The following FAM227B variants were observed in gnomAD, a reference collection of about 807,000 sequenced individuals.
FAM227B encodes the protein family with sequence similarity 227 member B, also known as protein FAM227B.
A neutral mutation model predicts 73.8 loss-of-function variants in FAM227B; 88 were observed. That is an observed-to-expected ratio of 1.19 (90% CI 1.00 to 1.42). The LOEUF (loss-of-function observed/expected upper bound fraction) is 1.42. Among genes scored for constraint, FAM227B ranks in the 40% most tolerant of loss-of-function variants. The pLI is 0.00. For synonymous variants in FAM227B, 210 were observed against 190.5 expected (o/e 1.10, Z -0.84); for missense variants, 632 against 590.9 (o/e 1.07, Z -0.72).
intron 10 of FAM227B, among the ~76,000 whole-genome samples, chr15:49,513,399 T>C (rs1179986847): frequency 6.6e-6 from 1 of 152,242 alleles, no homozygotes; most frequent in African/African-American, 2.4e-5. Context: ...CACATAAATA[T>C]CTTCTTTTGA....
intron 10 of FAM227B, among the ~76,000 whole-genome samples, chr15:49,508,576 T>C (rs1451961408): frequency 6.6e-6 from 1 of 152,028 alleles, no homozygotes; most frequent in African/African-American, 2.4e-5. Context: ...GAAATATATG[T>C]TACAGTGTTG....
chr15:49,335,336 CT>C, intron 14 of FAM227B, 82 bp downstream of exon 14: 2 of 869,974 alleles, frequency 2.3e-6, no homozygotes, highest in Non-Finnish European at 3.7e-6. Flanking sequence ...CATTAAGGAA[CT>C]TAGTTTAGAT....
intron 13 of FAM227B, among the ~76,000 whole-genome samples, chr15:49,359,438 A>T (rs2043786465): frequency 8.3e-6 from 1 of 119,948 alleles, no homozygotes; most frequent in Non-Finnish European, 1.8e-5. Context: ...GGACATGAAC[A>T]GACACTTCTC....
At chr15:49,368,479 A>G (rs2045534985) in intron 12 of FAM227B, among the ~76,000 whole-genome samples, 2 of 152,224 alleles carry the variant, frequency 1.3e-5, no homozygotes, top group Admixed American at 6.5e-5. Context: ...AATATGTTTC[A>G]GAATTCCTAG....
chr15:49,327,017 TAAG>T lies in FAM227B; in HGVS notation c.*1548_*1550del, dbSNP rs886113490. On this transcript the variant is annotated 3_prime_UTR_variant, in exon 16 of 16. Transcript: ENST00000299338. ...ACTAGTAATTTGGAGTGAATTTTAT[TAAG>T]AAGAATTAATTGTAAGTACATGTTA... 3.9e-5 allele frequency: 6 copies of T among 152,164 alleles called. No homozygotes were observed. The highest frequency in any genetic ancestry group is 1.2e-4 in the African/African-American group (5 of 41,436). 9.4% of individuals were successfully genotyped at this position (152,164 alleles called of 1,614,324 possible). A position where few individuals can be genotyped will look rare whatever the true frequency, so the allele number is the denominator to read the frequency against.
chr15:49,453,522 G>A (rs1043040199), intron 11 of FAM227B, among the ~76,000 whole-genome samples: 9 of 152,056 alleles, frequency 5.9e-5, no homozygotes, highest in Non-Finnish European at 8.8e-5. Flanking sequence ...CATTGCAAGG[G>A]TTCAGTAGCC....
intron 11 of FAM227B, among the ~76,000 whole-genome samples, chr15:49,468,052 A>T (rs141831774): frequency 1.3e-5 from 2 of 152,314 alleles, no homozygotes; most frequent in African/African-American, 2.4e-5. Flanking sequence ...TTCTTTCAAA[A>T]GAAAGTATTG....
chr15:49,365,273 C>A, intron 13 of FAM227B: 3 of 1,395,396 alleles, frequency 2.1e-6, no homozygotes, highest in Non-Finnish European at 3.1e-6. Flanking sequence ...AATAAGTGTG[C>A]AAGTTACTAA....
At chr15:49,377,145 G>T (rs138875880) in intron 11 of FAM227B, among the ~76,000 whole-genome samples, 134 of 151,980 alleles carry the variant, frequency 8.8e-4, no homozygotes, top group African/African-American at 3.1e-3. Flanking sequence ...TTGTCTTTCT[G>T]TGCCTGGCTT....
At position 49,328,647 on chromosome 15, in the gene FAM227B, C is replaced by T. The variant is rs958929073; in HGVS notation, c.1448G>A (p.Cys483Tyr). 1 of 1,572,556 alleles carries T rather than the reference C, an allele frequency of 6.4e-7. No homozygotes were observed. The highest frequency in any genetic ancestry group is 8.7e-7 in the Non-Finnish European group (1 of 1,155,580). Residue 483 changes from cysteine (C) to tyrosine (Y), a missense_variant, in exon 16 of 16, where the codon TGT becomes TAT. By Grantham distance (194) the Cys-to-Tyr change is radical. Coordinates refer to ENST00000299338, the MANE Select transcript of FAM227B (RefSeq NM_152647.3). ...LRSEAEIERE[C>Y]VASLSSSSSS... ...TGATGATGACGATAGTGATGCCACA[C>T]ATTCTCTCTCAATTTCAGCTTCGGA... is the stretch of plus-strand genomic sequence containing the variant.
At chr15:49,536,364 G>A (rs2070269382) in intron 10 of FAM227B, among the ~76,000 whole-genome samples, 1 of 151,896 alleles carries the variant, frequency 6.6e-6, no homozygotes, top group Middle Eastern at 3.4e-3. Flanking sequence ...ATTTAACTAA[G>A]GAGGTAAAAA....
chr15:49,366,374 G>T, intron 13 of FAM227B: 1 of 790,482 alleles, frequency 1.3e-6, no homozygotes, highest in Admixed American at 1.7e-5. Context: ...TCTTTTCTGT[G>T]CATTTCTGGT....
At chr15:49,527,772 A>T (rs2152211403) in intron 10 of FAM227B, among the ~76,000 whole-genome samples, 1 of 151,996 alleles carries the variant, frequency 6.6e-6, no homozygotes, top group East Asian at 1.9e-4. Flanking sequence ...CACAAAAATT[A>T]AATACCTAGG....
chr15:49,550,307 C>T (rs542954660), intron 9 of FAM227B, among the ~76,000 whole-genome samples: 2 of 145,040 alleles, frequency 1.4e-5, no homozygotes, highest in African/African-American at 2.6e-5. Context: ...CCTCACCTCC[C>T]GGACGGGGCG....
At chr15:49,523,471 C>T (rs562066723) in intron 10 of FAM227B, among the ~76,000 whole-genome samples, 1 of 152,268 alleles carries the variant, frequency 6.6e-6, no homozygotes, top group African/African-American at 2.4e-5. Flanking sequence ...CCTCCCCAGC[C>T]ATGTGGAACC....
intron 11 of FAM227B, among the ~76,000 whole-genome samples, chr15:49,439,036 G>A (rs911752973): frequency 6.6e-6 from 1 of 151,736 alleles, no homozygotes; most frequent in Non-Finnish European, 1.5e-5. Flanking sequence ...GAGTGGGTTG[G>A]TCTTAGGGAC....
intron 11 of FAM227B, among the ~76,000 whole-genome samples, chr15:49,472,886 G>A (rs2054907030): frequency 6.7e-6 from 1 of 150,028 alleles, no homozygotes; most frequent in African/African-American, 2.4e-5. Flanking sequence ...ACAAATAAGA[G>A]AAAGGAGTAT....
intron 11 of FAM227B, among the ~76,000 whole-genome samples, chr15:49,431,307 T>C (rs1402481912): frequency 6.6e-6 from 1 of 151,838 alleles, no homozygotes; most frequent in Non-Finnish European, 1.5e-5. Context: ...TTGGACCAAG[T>C]TTTTTATCTG....
At position 49,335,353 on chromosome 15, in the gene FAM227B, C is replaced by T. The variant is rs554199767; in HGVS notation, c.1349+66G>A. ...TTAAGGAACTTAGTTTAGATGATTT[C>T]TCTGATTGTTTCCAGTTCTAAAAAA... is the stretch of plus-strand genomic sequence containing the variant. On this transcript the variant is annotated intron_variant, in intron 14 of 15. Transcript: ENST00000299338. 6.6e-5 allele frequency: 69 copies of T among 1,046,220 alleles called. No homozygotes were observed. In the African/African-American group the frequency reaches 1.0e-3, roughly 15 times the overall value. 64.8% of individuals were successfully genotyped at this position (1,046,220 alleles called of 1,614,324 possible).
Sources: gnomAD v4.1 joint callset for allele counts (sites outside exome capture counted in the v4.1 genomes callset) on GRCh38, gnomAD v4.1.1 for gene constraint, MANE v1.5 for transcripts, NCBI Gene and HGNC (gene_info 2026-07-23, HGNC 2026-07-21) for gene names.